Variants in FRMD4B observed in about 807,000 individuals in gnomAD.
The protein encoded by FRMD4B is FERM domain containing 4B, also known as FERM domain-containing protein 4B.
In FRMD4B, 74 loss-of-function variants were observed where a neutral mutation model predicts 141.5. That is an observed-to-expected ratio of 0.52 (90% CI 0.43 to 0.63). The LOEUF (loss-of-function observed/expected upper bound fraction) is 0.63, where lower values mean the gene tolerates loss of function less well. Ranked by LOEUF, FRMD4B falls within the 30% of genes least tolerant of loss-of-function variation. The pLI is 0.00. For synonymous variants in FRMD4B, 506 were observed against 467.9 expected (o/e 1.08, Z -1.05); for missense variants, 1,366 against 1,253.4 (o/e 1.09, Z -1.36).
intron 1 of FRMD4B, among the ~76,000 whole-genome samples, chr3:69,333,199 A>T (rs1296032180): frequency 3.3e-5 from 5 of 152,232 alleles, no homozygotes; most frequent in East Asian, 1.9e-4. Flanking sequence ...TACACATTTT[A>T]AAAAAAATTG....
At chr3:69,410,728 T>TAA (rs1273401203) in intron 2 of FRMD4B, among the ~76,000 whole-genome samples, 153 of 6,402 alleles carry the variant, frequency 0.024, 1 homozygote, top group African/African-American at 0.065. Context: ...AATAAATAAA[T>TAA]ATATATATAT....
At chr3:69,416,801 G>A (rs991924573) in intron 2 of FRMD4B, among the ~76,000 whole-genome samples, 2 of 152,146 alleles carry the variant, frequency 1.3e-5, no homozygotes, top group Non-Finnish European at 2.9e-5. Flanking sequence ...AACATGTGGT[G>A]TTTGGTTTTC....
intron 9 of FRMD4B, among the ~76,000 whole-genome samples, chr3:69,221,349 ACTAT>A (rs2093192847): frequency 6.6e-6 from 1 of 152,208 alleles, no homozygotes; most frequent in South Asian, 2.1e-4. Flanking sequence ...GAAGAAACAG[ACTAT>A]CTAACACCAA....
intron 5 of FRMD4B, among the ~76,000 whole-genome samples, chr3:69,265,275 T>A (rs1446788025): frequency 0.34 from 1,883 of 5,532 alleles, 695 homozygotes; most frequent in East Asian, 0.65. Context: ...AAAAAATATA[T>A]ATATATATAT....
chr3:69,319,103 T>C lies in FRMD4B; in HGVS notation c.163-5586A>G, dbSNP rs113101147. Reference sequence around the variant, plus strand: ...CATTAATGTATAGAATTTCAACCTCTACACAAACCTATCAAGGGGGCATCC... The same window carrying C: ...CATTAATGTATAGAATTTCAACCTCCACACAAACCTATCAAGGGGGCATCC... On this transcript the variant is annotated intron_variant, in intron 1 of 22. Transcript: ENST00000398540. 1.9e-3 allele frequency among the ~76,000 whole-genome samples: 296 copies of C among 152,300 alleles called. 3 individuals carry two copies. The highest frequency in any genetic ancestry group is 6.7e-3 in the African/African-American group (280 of 41,554).
rs796933460 is a variant in FRMD4B at position 69,174,335 on chromosome 3, T to C, written c.2984+2189A>G. 3.9e-5 allele frequency among the ~76,000 whole-genome samples: 6 copies of C among 152,316 alleles called. 1 individual carries two copies. Among genetic ancestry groups the C allele is most frequent in the African/African-American group, 1.4e-4 (6 of 41,566 alleles). On this transcript the variant is annotated intron_variant, in intron 22 of 22. Transcript: ENST00000398540. The stretch of plus-strand genomic sequence containing the variant: ...ATGGGAACATGGTTATGTTATGATG[T>C]TAAGTTTTTAAAAAAATGGAGATGT...
intron 2 of FRMD4B, among the ~76,000 whole-genome samples, chr3:69,397,983 A>C (rs546872657): frequency 6.6e-6 from 1 of 152,196 alleles, no homozygotes; most frequent in Non-Finnish European, 1.5e-5. Context: ...TGTAATACTT[A>C]TATCTTCAGA....
intron 1 of FRMD4B, among the ~76,000 whole-genome samples, chr3:69,344,967 T>A (rs1702881869): frequency 6.6e-6 from 1 of 151,832 alleles, no homozygotes; most frequent in South Asian, 2.1e-4. Context: ...TTCATCTCAC[T>A]GGGGCTTGTA....
Position 69,446,141 on chromosome 3 carries a change from C to T in FRMD4B, c.-128-13380G>A, listed in dbSNP as rs533819323. On this transcript the variant is annotated intron_variant, in intron 1 of 5. Coordinates refer to the FRMD4B transcript ENST00000459638. ...CTCCCAGGATCAAGTGATTCTCCTGCCTCAGCCTCCTGAGTAGCTGGGATT... is the reference window on the plus strand; with the variant it reads ...CTCCCAGGATCAAGTGATTCTCCTGTCTCAGCCTCCTGAGTAGCTGGGATT... Among the ~76,000 whole-genome samples, 37 of 152,154 alleles carry T rather than the reference C, an allele frequency of 2.4e-4. No homozygotes were observed. In the South Asian group the frequency reaches 7.7e-3, roughly 32 times the overall value.
At chr3:69,178,130 C>T (rs535036890) in intron 21 of FRMD4B, among the ~76,000 whole-genome samples, 15 of 152,180 alleles carry the variant, frequency 9.9e-5, no homozygotes, top group African/African-American at 3.4e-4. Flanking sequence ...GATAACCACA[C>T]GCCATGATAC....
intron 11 of FRMD4B, among the ~76,000 whole-genome samples, chr3:69,204,106 C>T (rs184621113): frequency 7.0e-4 from 106 of 152,144 alleles, no homozygotes; most frequent in African/African-American, 1.9e-3. Flanking sequence ...GGGCTGGTCA[C>T]GGCATGCCCC....
chr3:69,310,571 C>T (rs964486897), intron 3 of FRMD4B: 6 of 252,644 alleles, frequency 2.4e-5, no homozygotes, highest in Non-Finnish European at 4.8e-5. Context: ...CACACACACA[C>T]ACACACACAC....
chr3:69,190,803 A>G (rs1024496917), intron 17 of FRMD4B, among the ~76,000 whole-genome samples: 1 of 152,230 alleles, frequency 6.6e-6, no homozygotes, highest in Non-Finnish European at 1.5e-5. Context: ...TGTGCATTAT[A>G]GGATTTCCAG....
intron 2 of FRMD4B, among the ~76,000 whole-genome samples, chr3:69,403,931 CT>C (rs144518667): frequency 0.036 from 5,443 of 152,192 alleles, 333 homozygotes; most frequent in African/African-American, 0.12. Context: ...CAGGGTCTCT[CT>C]TGTCACCCGG....
Position 69,315,404 on chromosome 3 carries a change from A to T in FRMD4B, c.163-1887T>A, listed in dbSNP as rs774278586. ...ATTTCATATTATTTTACTTTAGTAC[A>T]TATTATATTGAATGTATTGTTTTGC... On this transcript the variant is annotated intron_variant, in intron 1 of 22. Coordinates refer to ENST00000398540, the MANE Select transcript of FRMD4B (RefSeq NM_015123.3). Among the ~76,000 whole-genome samples the T allele has an allele frequency of 7.5e-4, 114 of 152,080 alleles. 2 individuals are homozygous for T. Among genetic ancestry groups the T allele is most frequent in the Non-Finnish European group, 2.8e-4 (19 of 68,010 alleles).
intron 1 of FRMD4B, among the ~76,000 whole-genome samples, chr3:69,456,349 T>G (rs551169715): frequency 9.8e-5 from 15 of 152,334 alleles, no homozygotes; most frequent in African/African-American, 3.1e-4. Flanking sequence ...AAAATTCATA[T>G]GCCTTTTGAC....
At position 69,439,255 on chromosome 3, in the gene FRMD4B, G is replaced by A. The variant is rs200907830; in HGVS notation, c.-128-6494C>T. ...TTTAATTCTCCATTTGTGGACTGAT[G>A]GCTATTTGGGTAGTGTCCGATTTTT... On this transcript the variant is annotated intron_variant, in intron 1 of 5. Coordinates refer to the FRMD4B transcript ENST00000459638. Among the ~76,000 whole-genome samples the A allele has an allele frequency of 9.6e-3, 1,465 of 152,250 alleles. 15 individuals are homozygous for A. The highest frequency in any genetic ancestry group is 0.015 in the Non-Finnish European group (1,004 of 68,028).
intron 7 of FRMD4B, among the ~76,000 whole-genome samples, chr3:69,235,451 A>T (rs893138076): frequency 6.6e-6 from 1 of 151,842 alleles, no homozygotes; most frequent in African/African-American, 2.4e-5. Context: ...CCTGAGGTCA[A>T]GAGTTCAAGA....
At chr3:69,370,866 CTTCTT>C (rs1309969153) in intron 1 of FRMD4B, among the ~76,000 whole-genome samples, 90 of 152,206 alleles carry the variant, frequency 5.9e-4, no homozygotes, top group Non-Finnish European at 2.9e-4. Context: ...CTGGAGCAGG[CTTCTT>C]AAAGTGTAAA....
Sources: allele counts gnomAD v4.1 joint callset (sites outside exome capture counted in the v4.1 genomes callset), GRCh38; gene constraint gnomAD v4.1.1; transcripts MANE v1.5; gene names NCBI Gene and HGNC (gene_info 2026-07-23, HGNC 2026-07-21).